Variants in IGFBP2 observed in about 807,000 individuals in gnomAD.
The protein encoded by IGFBP2 is insulin like growth factor binding protein 2.
In IGFBP2, 12 loss-of-function variants were observed where a neutral mutation model predicts 26.2. The ratio of observed to expected loss-of-function variants is 0.46; its 90% CI spans 0.29 to 0.74. The LOEUF (loss-of-function observed/expected upper bound fraction) is 0.74. Ranked by LOEUF, IGFBP2 falls within the 30% of genes least tolerant of loss-of-function variation. The pLI is 0.09. For synonymous variants in IGFBP2, 189 were observed against 200.6 expected (o/e 0.94, Z 0.49); for missense variants, 328 against 441.2 (o/e 0.74, Z 2.30).
intron 1 of IGFBP2, among the ~76,000 whole-genome samples, chr2:216,637,410 G>A (rs962752770): frequency 1.3e-5 from 2 of 152,228 alleles, no homozygotes; most frequent in African/African-American, 4.8e-5. Context: ...GGCAAGTGGT[G>A]TTCTTTCTGA....
At chr2:216,655,756 G>GT (rs756347901) in intron 1 of IGFBP2, among the ~76,000 whole-genome samples, 2 of 152,026 alleles carry the variant, frequency 1.3e-5, no homozygotes, top group Non-Finnish European at 2.9e-5. Flanking sequence ...TTAACCAGGC[G>GT]TGGTGACACA....
At chr2:216,659,696 A>G in intron 1 of IGFBP2, 2 of 1,533,484 alleles carry the variant, frequency 1.3e-6, no homozygotes, top group Non-Finnish European at 1.7e-6. Flanking sequence ...AAGTATAAGG[A>G]GACTTAATGG....
chr2:216,659,651 C>A, intron 1 of IGFBP2: 1 of 1,339,444 alleles, frequency 7.5e-7, no homozygotes, highest in South Asian at 1.2e-5. Flanking sequence ...TTCAAGGCCT[C>A]CTTCACCTAG....
chr2:216,661,355 C>T (rs933553), intron 2 of IGFBP2: 4 of 280,854 alleles, frequency 1.4e-5, no homozygotes, highest in Admixed American at 5.0e-5. Flanking sequence ...CCTCCCACCT[C>T]GGCCTCCCGA....
chr2:216,639,874 C>T (rs903136676), intron 1 of IGFBP2, among the ~76,000 whole-genome samples: 2 of 152,148 alleles, frequency 1.3e-5, no homozygotes, highest in Non-Finnish European at 2.9e-5. Flanking sequence ...AACTCTGGAC[C>T]TCAGGTGATC....
intron 2 of IGFBP2, 58 bp downstream of exon 2, chr2:216,660,844 G>C: frequency 7.4e-7 from 1 of 1,359,560 alleles, no homozygotes; most frequent in Non-Finnish European, 1.0e-6. Context: ...TGGGGTCTCA[G>C]CTGGAGGAGG....
intron 1 of IGFBP2, among the ~76,000 whole-genome samples, chr2:216,648,745 A>T (rs1365355364): frequency 6.6e-6 from 1 of 151,998 alleles, no homozygotes; most frequent in Non-Finnish European, 1.5e-5. Flanking sequence ...AGTAGCTGGG[A>T]TTACAGGCAT....
intron 3 of IGFBP2, chr2:216,662,210 C>T: frequency 1.7e-6 from 1 of 593,312 alleles, no homozygotes; most frequent in East Asian, 2.9e-5. Flanking sequence ...TTGCTGGCTC[C>T]ACTTGCCCAG....
At chr2:216,649,293 A>G (rs566784118) in intron 1 of IGFBP2, among the ~76,000 whole-genome samples, 37 of 152,138 alleles carry the variant, frequency 2.4e-4, no homozygotes, top group Non-Finnish European at 5.1e-4. Flanking sequence ...CCTTTGTATT[A>G]CCCTACTGGT....
At chr2:216,655,028 A>T (rs944448190) in intron 1 of IGFBP2, among the ~76,000 whole-genome samples, 1 of 152,160 alleles carries the variant, frequency 6.6e-6, no homozygotes, top group African/African-American at 2.4e-5. Context: ...ATAAAAACAT[A>T]TATTTTTAAA....
chr2:216,650,049 G>A lies in IGFBP2; in HGVS notation c.443-10508G>A, dbSNP rs9288521. Among the ~76,000 whole-genome samples the A allele has an allele frequency of 7.2e-5, 11 of 152,314 alleles. No homozygotes were observed. In the East Asian group the frequency reaches 1.5e-3, roughly 21 times the overall value. On this transcript the variant is annotated intron_variant, in intron 1 of 3. Transcript: ENST00000233809. ...CTTGAAAAGAAGAGGCATTGTTCTC[G>A]CCTCACCAGGAAGTTCTTCAGGAAA...
intron 1 of IGFBP2, among the ~76,000 whole-genome samples, chr2:216,637,596 G>T (rs187128681): frequency 1.3e-5 from 2 of 152,330 alleles, no homozygotes; most frequent in Non-Finnish European, 2.9e-5. Flanking sequence ...ATTTGAGGAA[G>T]GTTCGAGAAC....
At chr2:216,661,804 C>CT (rs774693734) in intron 2 of IGFBP2, 54 bp from the exon 3 acceptor site, 8 of 1,609,308 alleles carry the variant, frequency 5.0e-6, no homozygotes, top group Non-Finnish European at 4.2e-6. Flanking sequence ...CTGGCGCGTG[C>CT]TTCGTGGGCC....
rs1383408949 is a variant in IGFBP2 at position 216,646,522 on chromosome 2, T to TA, written c.442+12557_442+12558insA. On this transcript the variant is annotated intron_variant, in intron 1 of 3. Coordinates refer to ENST00000233809, the MANE Select transcript of IGFBP2 (RefSeq NM_000597.3). ...AGGGTACTCTTGGGCAAGTGCTAGA[T>TA]GCTCTTTGATAGTGTATTAGTCTGT... Among the ~76,000 whole-genome samples, 92 of 152,362 alleles carry TA rather than the reference T, an allele frequency of 6.0e-4. 1 individual carries two copies. Among genetic ancestry groups the TA allele is most frequent in the Admixed American group, 1.8e-3 (27 of 15,306 alleles).
chr2:216,664,242 G>A lies in IGFBP2; in HGVS notation c.*138G>A. 2 of 663,922 alleles carry A rather than the reference G, an allele frequency of 3.0e-6. No individual in the cohort carries two copies. Among genetic ancestry groups the A allele is most frequent in the Non-Finnish European group, 4.7e-6 (2 of 428,542 alleles). 41.1% of individuals were successfully genotyped at this position (663,922 alleles called of 1,614,324 possible). ...CGTATTTATATTTGGAAAGAGACCA[G>A]CACCGAGCTCGGCACCTCCCCGGCC... is the stretch of plus-strand genomic sequence containing the variant. On this transcript the variant is annotated 3_prime_UTR_variant, in exon 4 of 4. Transcript: ENST00000233809. This position sits in a 1 kb window ranked among gnomAD's most constrained non-coding sequence, Gnocchi z 4.6.
At chr2:216,641,640 G>A (rs1697615032) in intron 1 of IGFBP2, among the ~76,000 whole-genome samples, 1 of 151,296 alleles carries the variant, frequency 6.6e-6, no homozygotes, top group Non-Finnish European at 1.5e-5. Flanking sequence ...CAACTGATAA[G>A]TGCATTATAA....
intron 2 of IGFBP2, chr2:216,661,396 G>A (rs758172057): frequency 2.7e-5 from 8 of 291,774 alleles, no homozygotes; most frequent in Admixed American, 1.4e-4. Flanking sequence ...CAGCCACTGC[G>A]CCTGGCCTGA....
At chr2:216,651,198 C>T (rs140438317) in intron 1 of IGFBP2, among the ~76,000 whole-genome samples, 86 of 152,280 alleles carry the variant, frequency 5.6e-4, no homozygotes, top group South Asian at 1.0e-3. Context: ...AATAGAACCC[C>T]CATTTTACCT....
In IGFBP2 at chr2:216,660,611, C is replaced by T; in HGVS notation, c.497C>T (p.Thr166Ile). Residue 166 changes from threonine (T) to isoleucine (I), a missense_variant, in exon 2 of 4, where the codon ACC becomes ATC. Transcript: ENST00000233809. ...GGLVENHVDS[T>I]MNMLGGGGSA... ...CTGGTGGAGAACCACGTGGACAGCA[C>T]CATGAACATGTTGGGCGGGGGAGGC... The T allele has an allele frequency of 6.2e-7, 1 of 1,613,922 alleles. No homozygotes were observed. Among genetic ancestry groups the T allele is most frequent in the Non-Finnish European group, 8.5e-7 (1 of 1,179,972 alleles).
Sources: gnomAD v4.1 joint callset for allele counts (sites outside exome capture counted in the v4.1 genomes callset) on GRCh38, gnomAD v4.1.1 for gene constraint, Gnocchi (gnomAD v3.1) non-coding constraint, MANE v1.5 for transcripts, NCBI Gene and HGNC (gene_info 2026-07-23, HGNC 2026-07-21) for gene names.